The following SETBP1 variants were observed in gnomAD, a reference collection of about 807,000 sequenced individuals.
SETBP1 encodes SET-binding protein.
In SETBP1, 9 loss-of-function variants were observed where a neutral mutation model predicts 101.0. The observed-to-expected ratio is 0.09, with a 90% confidence interval of 0.05 to 0.16. The LOEUF is 0.16. Ranked by LOEUF, SETBP1 falls within the 10% of genes least tolerant of loss-of-function variation. SETBP1 has a pLI of 1.00. For missense variants in SETBP1, 1,858 were observed against 2,033.8 expected (o/e 0.91, Z 1.66); for synonymous variants, 818 against 788.5 (o/e 1.04, Z -0.63).
intron 2 of SETBP1, among the ~76,000 whole-genome samples, chr18:44,860,869 G>A (rs908567123): frequency 1.3e-5 from 2 of 152,128 alleles, no homozygotes; most frequent in African/African-American, 4.8e-5. Flanking sequence ...TCCACTCCTA[G>A]TAGGAGACGA....
chr18:44,742,869 C>T (rs139844843), intron 2 of SETBP1, among the ~76,000 whole-genome samples: 437 of 152,182 alleles, frequency 2.9e-3, no homozygotes, highest in Admixed American at 6.8e-3. Context: ...ACTGCTCCAT[C>T]CGGGACTCTG....
chr18:44,865,094 G>A (rs974679210), intron 2 of SETBP1, among the ~76,000 whole-genome samples: 4 of 152,170 alleles, frequency 2.6e-5, no homozygotes, highest in East Asian at 1.9e-4. Flanking sequence ...GGTTGTCAGC[G>A]CTGGATTGGA....
chr18:44,815,099 T>G (rs189656046), intron 2 of SETBP1, among the ~76,000 whole-genome samples: 3 of 152,330 alleles, frequency 2.0e-5, no homozygotes, highest in Admixed American at 2.0e-4. Flanking sequence ...AGCAACTAAG[T>G]GAAGACTTGT....
At chr18:44,886,762 T>TATTATTATC (rs2069658183) in intron 3 of SETBP1, among the ~76,000 whole-genome samples, 1 of 138,418 alleles carries the variant, frequency 7.2e-6, no homozygotes, top group Admixed American at 7.1e-5. Flanking sequence ...ATTTTATTAT[T>TATTATTATC]ATTATTATTA....
intron 2 of SETBP1, among the ~76,000 whole-genome samples, chr18:44,844,472 G>C (rs1381940952): frequency 6.6e-6 from 1 of 152,188 alleles, no homozygotes; most frequent in African/African-American, 2.4e-5. Flanking sequence ...GACCATGCAT[G>C]GAGGTGTGTG....
rs548748936 is a variant in SETBP1 at position 44,902,780 on chromosome 18, CTTATG to C, written c.540+33502_540+33506del. Among the ~76,000 whole-genome samples the C allele has an allele frequency of 5.3e-5, 8 of 152,042 alleles. No homozygotes were observed. In the South Asian group the frequency reaches 1.5e-3, roughly 28 times the overall value. The stretch of plus-strand genomic sequence containing the variant: ...ATGGTATTTTCAGAATAAATTCTGA[CTTATG>C]TTATTGGGATTATTAGTGCCTCATT... On this transcript the variant is annotated intron_variant, in intron 3 of 5. Transcript: ENST00000649279.
intron 2 of SETBP1, among the ~76,000 whole-genome samples, chr18:44,833,058 G>C (rs2072410436): frequency 6.6e-6 from 1 of 152,160 alleles, no homozygotes; most frequent in African/African-American, 2.4e-5. Flanking sequence ...CTCTGATTAG[G>C]GGCCTAAGAT....
chr18:44,761,890 G>A (rs528476158), intron 2 of SETBP1, among the ~76,000 whole-genome samples: 1 of 152,160 alleles, frequency 6.6e-6, no homozygotes, highest in African/African-American at 2.4e-5. Flanking sequence ...TTTGATGTCC[G>A]AGCCAGGGCC....
intron 1 of SETBP1, among the ~76,000 whole-genome samples, chr18:44,688,974 T>C (rs1023742281): frequency 6.6e-6 from 1 of 152,244 alleles, no homozygotes; most frequent in Non-Finnish European, 1.5e-5. Flanking sequence ...ATGTGGCTTT[T>C]GCCCTGGGAG....
At chr18:44,839,354 T>G (rs888576854) in intron 2 of SETBP1, among the ~76,000 whole-genome samples, 1 of 152,118 alleles carries the variant, frequency 6.6e-6, no homozygotes, top group Non-Finnish European at 1.5e-5. Context: ...CAGACTGGTG[T>G]GTGAATGGGG....
chr18:44,817,341 C>CA, intron 2 of SETBP1, among the ~76,000 whole-genome samples: 1 of 152,222 alleles, frequency 6.6e-6, no homozygotes, highest in Admixed American at 6.5e-5. Context: ...ATAGAACACC[C>CA]AGTCTCTGTC....
At chr18:45,044,606 T>TG (rs2073572348) in intron 5 of SETBP1, among the ~76,000 whole-genome samples, 1 of 152,220 alleles carries the variant, frequency 6.6e-6, no homozygotes. Context: ...GCTTCTCCTA[T>TG]GGCCAAGGGA....
chr18:44,866,722 C>A (rs2069137535), intron 2 of SETBP1, among the ~76,000 whole-genome samples: 1 of 152,220 alleles, frequency 6.6e-6, no homozygotes, highest in Admixed American at 6.5e-5. Context: ...ATGCCCGTAC[C>A]TCATCCCAGC....
At chr18:44,835,811 A>G (rs914743734) in intron 2 of SETBP1, among the ~76,000 whole-genome samples, 4 of 152,240 alleles carry the variant, frequency 2.6e-5, no homozygotes, top group African/African-American at 9.6e-5. Context: ...CTAGGAATGA[A>G]TTAGTTAAAT....
At chr18:44,874,180 T>G (rs1167728552) in intron 3 of SETBP1, among the ~76,000 whole-genome samples, 1 of 152,220 alleles carries the variant, frequency 6.6e-6, no homozygotes, top group Non-Finnish European at 1.5e-5. Flanking sequence ...ATCTAACAAA[T>G]AAGGGCTTTT....
chr18:44,880,342 A>T (rs1055402768), intron 3 of SETBP1, among the ~76,000 whole-genome samples: 5 of 152,152 alleles, frequency 3.3e-5, no homozygotes, highest in African/African-American at 1.2e-4. Flanking sequence ...TGACGTGGTG[A>T]TAGGGCAAGT....
intron 2 of SETBP1, among the ~76,000 whole-genome samples, chr18:44,798,616 A>AT (rs1568151143): frequency 1.3e-5 from 2 of 152,076 alleles, no homozygotes; most frequent in African/African-American, 4.8e-5. Flanking sequence ...GAAAGTCATC[A>AT]TTTTTCCGGC....
chr18:44,841,784 C>T (rs1460824151), intron 2 of SETBP1, among the ~76,000 whole-genome samples: 1 of 152,226 alleles, frequency 6.6e-6, no homozygotes, highest in Non-Finnish European at 1.5e-5. Context: ...GTGATTCTCT[C>T]TGACTTATCA....
At chr18:44,933,493 G>A (rs182554993) in intron 3 of SETBP1, among the ~76,000 whole-genome samples, 347 of 152,352 alleles carry the variant, frequency 2.3e-3, no homozygotes, top group African/African-American at 7.9e-3. Flanking sequence ...AGACAGGGAC[G>A]TTTAAGTCTG....
Sources: gnomAD v4.1 joint callset for allele counts (sites outside exome capture counted in the v4.1 genomes callset) on GRCh38, gnomAD v4.1.1 for gene constraint, MANE v1.5 for transcripts, NCBI Gene and HGNC (gene_info 2026-07-23, HGNC 2026-07-21) for gene names.